Variants in PPFIA1 observed in about 807,000 individuals in gnomAD.
PPFIA1 encodes PPFI scaffold protein A1.
Under a neutral mutation model 149.9 loss-of-function variants are expected in PPFIA1, and 25 were observed. The observed-to-expected ratio is 0.17, with a 90% CI of 0.12 to 0.23. The LOEUF (loss-of-function observed/expected upper bound fraction) is 0.23. PPFIA1 is among the 10% of genes least tolerant of loss of function. PPFIA1 has a pLI of 1.00. For synonymous variants in PPFIA1, 549 were observed against 552.8 expected, an observed-to-expected ratio of 0.99 and a Z score of 0.10; for missense variants, 1,362 against 1,506.5, an observed-to-expected ratio of 0.90 and a Z score of 1.59.
intron 21 of PPFIA1, among the ~76,000 whole-genome samples, chr11:70,369,949 C>CTTTT (rs36102876): frequency 6.9e-6 from 1 of 145,738 alleles, no homozygotes. Flanking sequence ...CTCTTTTACT[C>CTTTT]TTTTTTTTTT....
intron 13 of PPFIA1, among the ~76,000 whole-genome samples, chr11:70,338,850 G>A (rs956341033): frequency 1.3e-5 from 2 of 152,192 alleles, no homozygotes; most frequent in Non-Finnish European, 2.9e-5. Context: ...TGGGAAAGTG[G>A]AGCAGAAATG....
intron 2 of PPFIA1, chr11:70,319,815 T>C (rs1011469507): frequency 4.6e-5 from 7 of 152,362 alleles, no homozygotes; most frequent in African/African-American, 1.7e-4. Flanking sequence ...AAGCCCTTGC[T>C]TATCAGATAC....
intron 7 of PPFIA1, among the ~76,000 whole-genome samples, chr11:70,328,691 A>C (rs1016651906): frequency 3.9e-5 from 6 of 151,966 alleles, no homozygotes; most frequent in Admixed American, 3.9e-4. Context: ...CCCTCCCACC[A>C]AGAGCAGGAA....
At chr11:70,280,908 C>T (rs949249939) in intron 2 of PPFIA1, among the ~76,000 whole-genome samples, 1 of 152,080 alleles carries the variant, frequency 6.6e-6, no homozygotes, top group African/African-American at 2.4e-5. Context: ...TCTTCCACCT[C>T]ACTCATCCCC....
intron 2 of PPFIA1, among the ~76,000 whole-genome samples, chr11:70,301,855 C>A (rs759927027): frequency 2.0e-5 from 3 of 152,192 alleles, no homozygotes; most frequent in Non-Finnish European, 4.4e-5. Context: ...AGACGCAGTA[C>A]GCAGCACATG....
rs745448761 is a variant in PPFIA1 at position 70,343,905 on chromosome 11, G to A, written c.1931+13G>A. On this transcript the variant is annotated intron_variant, in intron 15 of 27. Coordinates refer to ENST00000253925, the MANE Select transcript of PPFIA1 (RefSeq NM_003626.5). ...ACAAAGAGATCAGGTGTGTGCAACCGTGCATGACACTCACCACACGCATGG... is the reference window on the plus strand; with the variant it reads ...ACAAAGAGATCAGGTGTGTGCAACCATGCATGACACTCACCACACGCATGG... 42 of 1,605,536 alleles carry A rather than the reference G, an allele frequency of 2.6e-5. No homozygotes were observed. The highest frequency in any genetic ancestry group is 2.0e-4 in the East Asian group (9 of 44,654).
chr11:70,381,816 A>G (rs1375724398), intron 26 of PPFIA1, among the ~76,000 whole-genome samples: 1 of 152,208 alleles, frequency 6.6e-6, no homozygotes, highest in Non-Finnish European at 1.5e-5. Context: ...GCAGATGTAC[A>G]TTTTGAAATT....
At chr11:70,337,523 G>C in intron 12 of PPFIA1, 96 bp downstream of exon 12, 1 of 883,768 alleles carries the variant, frequency 1.1e-6, no homozygotes. Flanking sequence ...AGAGCAGCTT[G>C]GTTTGTGGCT....
At chr11:70,297,440 G>A (rs1236047988) in intron 2 of PPFIA1, among the ~76,000 whole-genome samples, 1 of 152,048 alleles carries the variant, frequency 6.6e-6, no homozygotes, top group Admixed American at 6.6e-5. Flanking sequence ...GAAAAAAGAT[G>A]TAAACAATAT....
chr11:70,354,326 G>T lies in PPFIA1; in HGVS notation c.2189G>T (p.Arg730Leu). Reference sequence around the variant, plus strand: ...TTGCCACCTTCCAGAGAAGAGGTACGAGATGACAAGACAACCATAAAGTGT... The same window carrying T: ...TTGCCACCTTCCAGAGAAGAGGTACTAGATGACAAGACAACCATAAAGTGT... ...TLLPPSREEV[R>L]DDKTTIKCET... Residue 730 changes from arginine to leucine, a missense_variant, in exon 17 of 28, where the codon CGA (arginine) becomes CTA (leucine). Transcript: ENST00000253925. 1 of 1,613,818 alleles carries T rather than the reference G, an allele frequency of 6.2e-7. No homozygotes were observed. Among genetic ancestry groups the T allele is most frequent in the Non-Finnish European group, 8.5e-7 (1 of 1,179,902 alleles).
chr11:70,368,219 A>G (rs1449362286), intron 21 of PPFIA1, among the ~76,000 whole-genome samples: 2 of 152,330 alleles, frequency 1.3e-5, no homozygotes, highest in Admixed American at 6.5e-5. Context: ...TAGATAGCTG[A>G]TAATTACCCA....
chr11:70,312,379 C>T (rs1164197002), intron 2 of PPFIA1, among the ~76,000 whole-genome samples: 1 of 151,754 alleles, frequency 6.6e-6, no homozygotes, highest in Admixed American at 6.6e-5. Flanking sequence ...TTGGGAGGGA[C>T]CAGGTTTCAC....
At chr11:70,308,808 G>GT (rs1339768518) in intron 2 of PPFIA1, among the ~76,000 whole-genome samples, 19 of 152,128 alleles carry the variant, frequency 1.2e-4, no homozygotes, top group African/African-American at 4.3e-4. Context: ...GAACATTGTG[G>GT]TGCACGTCTG....
intron 1 of PPFIA1, among the ~76,000 whole-genome samples, chr11:70,271,530 C>A (rs1204441297): frequency 6.8e-6 from 1 of 146,164 alleles, no homozygotes; most frequent in African/African-American, 2.6e-5. Flanking sequence ...TTTTTTTTTT[C>A]GGTTGTAAAC....
intron 2 of PPFIA1, among the ~76,000 whole-genome samples, chr11:70,303,658 T>A (rs772633006): frequency 1.3e-5 from 2 of 152,138 alleles, no homozygotes; most frequent in Non-Finnish European, 2.9e-5. Context: ...TGTCCTTATG[T>A]GCTGATCAGG....
intron 21 of PPFIA1, chr11:70,367,572 T>G: frequency 2.2e-6 from 1 of 455,942 alleles, no homozygotes; most frequent in Non-Finnish European, 4.4e-6. Flanking sequence ...TTCTCTGGAC[T>G]GACATCACCT....
intron 23 of PPFIA1, 45 bp downstream of exon 23, chr11:70,372,619 G>A (rs1251681466): frequency 6.7e-7 from 1 of 1,501,860 alleles, no homozygotes; most frequent in African/African-American, 1.4e-5. Context: ...CCTACTTGCT[G>A]GTGTGTTTGG....
intron 23 of PPFIA1, 41 bp from the exon 24 acceptor site, chr11:70,374,877 T>A (rs753441961): frequency 6.3e-7 from 1 of 1,591,760 alleles, no homozygotes; most frequent in East Asian, 2.3e-5. Context: ...TAAAGATGGC[T>A]TTCTGAAGCC....
chr11:70,292,301 C>T (rs2051589215), intron 2 of PPFIA1, among the ~76,000 whole-genome samples: 1 of 152,220 alleles, frequency 6.6e-6, no homozygotes. Context: ...AGTTTAGAAG[C>T]AGGCCATGTG....
Sources: gnomAD v4.1 joint callset for allele counts (sites outside exome capture counted in the v4.1 genomes callset) on GRCh38, gnomAD v4.1.1 for gene constraint, MANE v1.5 for transcripts, NCBI Gene and HGNC (gene_info 2026-07-23, HGNC 2026-07-21) for gene names.